ZNF587: variants seen among roughly 807,000 people sequenced by gnomAD.
ZNF587 encodes zinc finger protein 587.
In ZNF587, 8 loss-of-function variants were observed where a neutral mutation model predicts 7.5. The ratio of observed to expected loss-of-function variants is 1.06; its 90% CI spans 0.62 to 1.92. The LOEUF is 1.92. ZNF587 is among the 40% of genes most tolerant of loss of function. The probability of loss-of-function intolerance (pLI) is 0.00; values close to 1 mark genes in which losing one functional copy is unlikely to be tolerated. For missense variants in ZNF587, 468 were observed against 692.8 expected (o/e 0.68, Z 3.64); for synonymous variants, 145 against 237.8 (o/e 0.61, Z 3.59).
rs1044632012 is a variant in ZNF587, at chr19:57,850,193, C to G, written c.33+122C>G. The G allele has an allele frequency of 3.2e-6, 5 of 1,572,734 alleles. No individual in the cohort carries two copies. The African/African-American group carries it at 6.8e-5, about 21-fold the overall frequency. Reference sequence around the variant, plus strand: ...TACCCGGCGTAGGAACACTGAGGCGCTCACAGGAGGCCTCTCCTTGTAACC... The same window carrying G: ...TACCCGGCGTAGGAACACTGAGGCGGTCACAGGAGGCCTCTCCTTGTAACC... On this transcript the variant is annotated intron_variant, in intron 1 of 2. Transcript: ENST00000339656.
intron 1 of ZNF587, chr19:57,851,985 G>A (rs2071286656): frequency 4.9e-6 from 1 of 205,750 alleles, no homozygotes. Flanking sequence ...CAAATCCTGT[G>A]ACATGTTTGT....
rs1168689000 is a variant in ZNF587 at position 57,862,992 on chromosome 19, A to G, written c.*2852A>G. 6.5e-6 allele frequency: 1 copy of G among 153,298 alleles called. No individual in the cohort carries two copies. The highest frequency in any genetic ancestry group is 1.5e-5 in the Non-Finnish European group (1 of 68,214). The allele number at this position is 153,298 out of a possible 1,614,324, so 9.5% of individuals were successfully genotyped here. ...TTTTTTTGAGAAGTCTCACTCTTTC[A>G]CCCAGGCTGGAGTGCAGTGGCACGA... On this transcript the variant is annotated 3_prime_UTR_variant, in exon 3 of 3. Coordinates refer to ENST00000339656, the MANE Select transcript of ZNF587 (RefSeq NM_032828.4).
At position 57,861,055 on chromosome 19, in the gene ZNF587, T is replaced by G. The variant is rs1476770780; in HGVS notation, c.*915T>G. The G allele has an allele frequency of 1.3e-5, 2 of 152,048 alleles. No individual in the cohort carries two copies. Among genetic ancestry groups the G allele is most frequent in the South Asian group, 2.1e-4 (1 of 4,814 alleles). 9.4% of individuals were successfully genotyped at this position (152,048 alleles called of 1,614,324 possible). A position where few individuals can be genotyped will look rare whatever the true frequency, so the allele number is the denominator to read the frequency against. On this transcript the variant is annotated 3_prime_UTR_variant, in exon 3 of 3. Coordinates refer to ENST00000339656, the MANE Select transcript of ZNF587 (RefSeq NM_032828.4). Reference sequence around the variant, plus strand: ...TTTTTTATTTCTATTAGCAATGGGGTTTCACCATGCTGGCCAGGCTTGTTA... The same window carrying G: ...TTTTTTATTTCTATTAGCAATGGGGGTTCACCATGCTGGCCAGGCTTGTTA...
intron 2 of ZNF587, 160 bp from the exon 3 acceptor site, chr19:57,858,416 C>T (rs1427847486): frequency 1.4e-6 from 2 of 1,430,070 alleles, no homozygotes; most frequent in African/African-American, 1.4e-5. Context: ...TGTGAGCCAC[C>T]ATGCCCAGCC....
In ZNF587 at chr19:57,858,780, G is replaced by A. The variant is rs2071397872; in HGVS notation, c.368G>A (p.Gly123Glu). 6.2e-7 allele frequency: 1 copy of A among 1,600,684 alleles called. No individual in the cohort carries two copies. Among genetic ancestry groups the A allele is most frequent in the Non-Finnish European group, 8.5e-7 (1 of 1,172,390 alleles). The change falls in exon 3 of 3, where the codon GGA becomes GAA. Residue 123 changes from glycine to glutamate, a missense_variant. Gly to Glu is a moderately conservative substitution (Grantham distance 98, BLOSUM62 -2). Around this residue, in one of 5 missense-constraint regions of ZNF587, gnomAD observed 23 missense variants for 66.2 expected, o/e 0.35. Coordinates refer to ENST00000339656, the MANE Select transcript of ZNF587 (RefSeq NM_032828.4). ...THHKQKLNRS[G>E]ACGKNLDDTA... is the part of the protein sequence containing the mutation. ...CACAAGCAGAAGCTGAACAGGAGTGGAGCATGTGGAAAAAACTTGGATGAC... is the reference window on the plus strand; with the variant it reads ...CACAAGCAGAAGCTGAACAGGAGTGAAGCATGTGGAAAAAACTTGGATGAC...
At position 57,859,596 on chromosome 19, in the gene ZNF587, T is replaced by C. The variant is rs2071409757; in HGVS notation, c.1184T>C (p.Leu395Pro). 4 of 1,613,928 alleles carry C rather than the reference T, an allele frequency of 2.5e-6. No homozygotes were observed. The highest frequency in any genetic ancestry group is 3.4e-6 in the Non-Finnish European group (4 of 1,180,022). ...AAATCTTTTGGTCAAAAGGGCAACCTCGTTCACCATCAGCGAGGTCATACT... is the reference window on the plus strand; with the variant it reads ...AAATCTTTTGGTCAAAAGGGCAACCCCGTTCACCATCAGCGAGGTCATACT... ...CGKSFGQKGN[L>P]VHHQRGHTGE... The change falls in exon 3 of 3, where the codon CTC (leucine) becomes CCC (proline). Residue 395 changes from leucine to proline, a missense_variant. Coordinates refer to ENST00000339656, the MANE Select transcript of ZNF587 (RefSeq NM_032828.4).
chr19:57,856,383 G>A, intron 2 of ZNF587, 150 bp downstream of exon 2: 12 of 1,312,388 alleles, frequency 9.1e-6, no homozygotes, highest in Non-Finnish European at 1.0e-5. Flanking sequence ...TAGGAGTAAG[G>A]TGTGTGTATT....
intron 1 of ZNF587, chr19:57,855,880 T>G: frequency 1.4e-6 from 1 of 701,534 alleles, no homozygotes; most frequent in Non-Finnish European, 2.2e-6. Flanking sequence ...GTGGACCTTT[T>G]TATGTCAGGA....
Position 57,860,309 on chromosome 19 carries a change from C to T in ZNF587, c.*169C>T, listed in dbSNP as rs1198415335. ...GTTGAGATGGAGTCTTGTTCTGTCA[C>T]CCAGGCTGGAGTGCAGTGGTGCAGT... On this transcript the variant is annotated 3_prime_UTR_variant, in exon 3 of 3. Coordinates refer to ENST00000339656, the MANE Select transcript of ZNF587 (RefSeq NM_032828.4). 7.4e-7 allele frequency: 1 copy of T among 1,355,336 alleles called. No individual in the cohort carries two copies. The allele number at this position is 1,355,336 out of a possible 1,614,324, so 84.0% of individuals were successfully genotyped here.
Position 57,859,604 on chromosome 19 carries a change from C to T in ZNF587, c.1192C>T (p.His398Tyr). The T allele has an allele frequency of 1.2e-6, 2 of 1,614,022 alleles. No homozygotes were observed. Among genetic ancestry groups the T allele is most frequent in the Non-Finnish European group, 1.7e-6 (2 of 1,180,020 alleles). The change falls in exon 3 of 3, where the codon CAT becomes TAT. Residue 398 changes from histidine to tyrosine, a missense_variant. His to Tyr is a moderately conservative substitution (Grantham distance 83). This residue lies in a region of ZNF587 where 310 missense variants were observed against 325.6 expected (regional missense o/e 0.95). Coordinates refer to ENST00000339656, the MANE Select transcript of ZNF587 (RefSeq NM_032828.4). ...SFGQKGNLVH[H>Y]QRGHTGERPY... ...TGGTCAAAAGGGCAACCTCGTTCAC[C>T]ATCAGCGAGGTCATACTGGAGAAAG...
At chr19:57,853,393 G>T (rs1316907114) in intron 1 of ZNF587, among the ~76,000 whole-genome samples, 1 of 152,220 alleles carries the variant, frequency 6.6e-6, no homozygotes, top group Non-Finnish European at 1.5e-5. Context: ...ATCTGGGAGG[G>T]TGTTGATACT....
At position 57,851,286 on chromosome 19, in the gene ZNF587, C is replaced by G. The variant is rs945697391; in HGVS notation, c.33+1215C>G. ...TATTCTTGTAGCTAATTTGTTAGTC[C>G]TGCAAAGACAGGCTGGTCCCCAGGC... On this transcript the variant is annotated intron_variant, in intron 1 of 2. Coordinates refer to ENST00000339656, the MANE Select transcript of ZNF587 (RefSeq NM_032828.4). 3 of 152,206 alleles carry G rather than the reference C, an allele frequency of 2.0e-5. No homozygotes were observed. In the South Asian group the frequency reaches 6.2e-4, roughly 32 times the overall value. 9.4% of individuals were successfully genotyped at this position (152,206 alleles called of 1,614,324 possible).
chr19:57,852,518 CAGCT>C (rs1263479217), intron 1 of ZNF587: 1 of 396,442 alleles, frequency 2.5e-6, no homozygotes, highest in Admixed American at 4.4e-5. Context: ...TGTAAAGAGA[CAGCT>C]AGGTTTTCTT....
intron 1 of ZNF587, among the ~76,000 whole-genome samples, chr19:57,855,786 C>T (rs910351992): frequency 6.6e-6 from 1 of 152,164 alleles, no homozygotes; most frequent in Non-Finnish European, 1.5e-5. Context: ...TAGTCTCTAT[C>T]CCCTGACTGC....
intron 1 of ZNF587, among the ~76,000 whole-genome samples, chr19:57,853,064 G>A (rs560311273): frequency 6.6e-6 from 1 of 151,942 alleles, no homozygotes; most frequent in African/African-American, 2.4e-5. Context: ...TGTTGGCCAG[G>A]CTAGTCTCAA....
At position 57,849,954 on chromosome 19, in the gene ZNF587, G is replaced by T. The variant is rs1003954114; in HGVS notation, c.-85G>T. 4 of 1,612,594 alleles carry T rather than the reference G, an allele frequency of 2.5e-6. No individual in the cohort carries two copies. The East Asian group carries it at 8.9e-5, about 36-fold the overall frequency. On this transcript the variant is annotated 5_prime_UTR_variant, in exon 1 of 3. It adds an upstream start codon to the 5' untranslated region. Coordinates refer to ENST00000339656, the MANE Select transcript of ZNF587 (RefSeq NM_032828.4). The stretch of plus-strand genomic sequence containing the variant: ...GGTGACTGAACCTAGAAGGTGGAGA[G>T]GAATCGTCCTCGGTGCCCAGAGGCG...
intron 1 of ZNF587, chr19:57,850,311 G>C: frequency 1.5e-6 from 1 of 656,926 alleles, no homozygotes; most frequent in Non-Finnish European, 2.6e-6. Context: ...ACGCAGAGCC[G>C]TCCTGCTGTT....
chr19:57,854,790 C>T (rs960763419), intron 1 of ZNF587, among the ~76,000 whole-genome samples: 1 of 152,010 alleles, frequency 6.6e-6, no homozygotes, highest in African/African-American at 2.4e-5. Context: ...CCTATAATCT[C>T]CTCACTTTCA....
chr19:57,859,704 C>A lies in ZNF587; in HGVS notation c.1292C>A (p.Thr431Asn). Reference sequence around the variant, plus strand: ...CTCACTGAACACCAGAGACTTCACACTGGGGAAAGACCTTACAATTGTAGG... The same window carrying A: ...CTCACTGAACACCAGAGACTTCACAATGGGGAAAGACCTTACAATTGTAGG... ...SHLTEHQRLH[T>N]GERPYNCREC... The change falls in exon 3 of 3, where the codon ACT becomes AAT. Residue 431 changes from threonine to asparagine, a missense_variant. Transcript: ENST00000339656. 2 of 1,613,754 alleles carry A rather than the reference C, an allele frequency of 1.2e-6. No individual in the cohort carries two copies. Among genetic ancestry groups the A allele is most frequent in the Middle Eastern group, 1.6e-4 (1 of 6,062 alleles).
Sources: allele counts gnomAD v4.1 joint callset (sites outside exome capture counted in the v4.1 genomes callset), GRCh38; gene constraint gnomAD v4.1.1; regional missense constraint gnomAD v4.1.1; transcripts MANE v1.5; gene names NCBI Gene and HGNC (gene_info 2026-07-23, HGNC 2026-07-21).